Variants in NUP155 observed in about 807,000 individuals in gnomAD.
NUP155 encodes the protein nucleoporin 155, also known as nuclear pore complex protein Nup155.
NUP155 carries 71 observed loss-of-function variants against 180.4 expected under a neutral mutation model. The observed-to-expected ratio is 0.39, with a 90% CI of 0.33 to 0.48. The LOEUF is 0.48. Ranked by LOEUF, NUP155 falls within the 20% of genes least tolerant of loss-of-function variation. NUP155 has a pLI of 0.91. For synonymous variants in NUP155, 582 were observed against 559.5 expected, an observed-to-expected ratio of 1.04 and a Z score of -0.57; for missense variants, 1,553 against 1,648.9, an observed-to-expected ratio of 0.94 and a Z score of 1.01.
rs376182315 is a variant in NUP155 at position 37,328,230 on chromosome 5, C to T, written c.1876+128G>A. ...CAAATGCCAAAACTTGCTTGGACAG[C>T]GCTTCTAAAATTATATTTATTTTCA... On this transcript the variant is annotated intron_variant, in intron 17 of 34. Coordinates refer to ENST00000231498, the MANE Select transcript of NUP155 (RefSeq NM_153485.3). 2.6e-3 allele frequency: 1,973 copies of T among 759,876 alleles called. 6 individuals carry two copies. The highest frequency in any genetic ancestry group is 5.4e-3 in the South Asian group (307 of 57,338). The allele number at this position is 759,876 out of a possible 1,614,324, so 47.1% of individuals were successfully genotyped here.
intron 22 of NUP155, among the ~76,000 whole-genome samples, chr5:37,313,473 A>ATGTGTG (rs34904169): frequency 3.3e-4 from 48 of 143,528 alleles, no homozygotes; most frequent in South Asian, 2.3e-3. Context: ...AGTGGTGTAT[A>ATGTGTG]TGTGTGTGTG....
intron 20 of NUP155, among the ~76,000 whole-genome samples, chr5:37,319,147 T>C (rs1465092565): frequency 6.6e-6 from 1 of 152,114 alleles, no homozygotes; most frequent in Non-Finnish European, 1.5e-5. Flanking sequence ...AATAGGCACA[T>C]CTACAGAGAT....
intron 9 of NUP155, among the ~76,000 whole-genome samples, chr5:37,343,605 G>A (rs907047082): frequency 1.3e-5 from 2 of 152,140 alleles, no homozygotes; most frequent in Middle Eastern, 3.4e-3. Flanking sequence ...TAAAAAAGGA[G>A]AAAGGCCAGG....
rs555900039 is a variant in NUP155, at chr5:37,290,104, A to C, written c.*1796T>G. The C allele has an allele frequency of 7.2e-5, 11 of 152,336 alleles. No individual in the cohort carries two copies. The East Asian group carries it at 2.1e-3, about 29-fold the overall frequency. The allele number at this position is 152,336 out of a possible 1,614,324, so 9.4% of individuals were successfully genotyped here. A position where few individuals can be genotyped will look rare whatever the true frequency, so the allele number is the denominator to read the frequency against. On this transcript the variant is annotated 3_prime_UTR_variant, in exon 35 of 35. Transcript: ENST00000231498. Reference sequence around the variant, plus strand: ...AAGACAATAATGGAAGGAAAAATATATTCAAAATGTATTGTACAAATTGTT... The same window carrying C: ...AAGACAATAATGGAAGGAAAAATATCTTCAAAATGTATTGTACAAATTGTT...
At position 37,290,462 on chromosome 5, in the gene NUP155, G is replaced by GGTGAGATTCT. The variant is rs1229404270; in HGVS notation, c.*1428_*1437dup. 6.6e-6 allele frequency: 1 copy of GGTGAGATTCT among 150,896 alleles called. No homozygotes were observed. Among genetic ancestry groups the GGTGAGATTCT allele is most frequent in the Non-Finnish European group, 1.5e-5 (1 of 67,948 alleles). The allele number at this position is 150,896 out of a possible 1,614,324, so 9.3% of individuals were successfully genotyped here. ...CACTGCACTCCAGGCTGGGCTACAG[G>GGTGAGATTCT]GTGAGATTCTGTCTCCAAAAAAAAA... On this transcript the variant is annotated 3_prime_UTR_variant, in exon 35 of 35. Coordinates refer to ENST00000231498, the MANE Select transcript of NUP155 (RefSeq NM_153485.3).
At chr5:37,329,401 T>TCA in intron 15 of NUP155, 123 bp from the exon 16 acceptor site, 2 of 747,308 alleles carry the variant, frequency 2.7e-6, no homozygotes, top group Non-Finnish European at 4.8e-6. Flanking sequence ...GACTTCAATG[T>TCA]ATTGTGCTGA....
Position 37,297,445 on chromosome 5 carries a change from C to T in NUP155, c.3793+1423G>A, listed in dbSNP as rs118054826. On this transcript the variant is annotated intron_variant, in intron 32 of 34. Transcript: ENST00000231498. ...TGAGGTTGGAGTGCAGTGGTTCGAT[C>T]TCAGCTCACTGCAGTTTTCACCTCC... Among the ~76,000 whole-genome samples, 161 of 152,264 alleles carry T rather than the reference C, an allele frequency of 1.1e-3. 1 individual carries two copies. The East Asian group carries it at 0.028, about 26-fold the overall frequency.
At chr5:37,338,293 G>C (rs893569957) in intron 11 of NUP155, among the ~76,000 whole-genome samples, 4 of 145,830 alleles carry the variant, frequency 2.7e-5, no homozygotes. Context: ...ACTCCAGCCT[G>C]GGCGCCAGAG....
In NUP155 at chr5:37,299,543, AATGGGTCAGCAAATTCCCC is replaced by A. The variant is rs1413222757; in HGVS notation, c.3568_3586del (p.Gly1190LeufsTer10). The A allele has an allele frequency of 6.2e-7, 1 of 1,613,972 alleles. No individual in the cohort carries two copies. The highest frequency in any genetic ancestry group is 8.5e-7 in the Non-Finnish European group (1 of 1,179,966). On this transcript the variant is annotated frameshift_variant, in exon 31 of 35. Coordinates refer to ENST00000231498, the MANE Select transcript of NUP155 (RefSeq NM_153485.3). LOFTEE classifies it high-confidence loss of function. ...TGCAAGTTTGCACTCTGCAAGTTTA[AATGGGTCAGCAAATTCCCC>A]ATAAAGCTGTGAGAGAAAATCCCAA...
chr5:37,319,469 T>C (rs1436817854), intron 20 of NUP155, among the ~76,000 whole-genome samples: 2 of 152,186 alleles, frequency 1.3e-5, no homozygotes, highest in African/African-American at 4.8e-5. Flanking sequence ...AGGGGGAAAA[T>C]GATATGATCA....
At chr5:37,346,417 A>C (rs1163351967) in intron 9 of NUP155, among the ~76,000 whole-genome samples, 1 of 152,188 alleles carries the variant, frequency 6.6e-6, no homozygotes, top group Non-Finnish European at 1.5e-5. Context: ...CACGCCTGTA[A>C]TCCCAGCACT....
At chr5:37,364,146 A>T in intron 2 of NUP155, 101 bp downstream of exon 2, 1 of 1,155,522 alleles carries the variant, frequency 8.7e-7, no homozygotes, top group Non-Finnish European at 1.3e-6. Flanking sequence ...TAAAACCCTT[A>T]AATGAATATA....
Position 37,303,273 on chromosome 5 carries a change from CCAGTCTGGA to C in NUP155, c.3295_3303del (p.Ser1099_Leu1101del). ...ATTATGCCATACCTATGCATGTCAG[CCAGTCTGGA>C]CAGTACACGAGCAGCATTACTGAAA... On this transcript the variant is annotated inframe_deletion, in exon 28 of 35. Transcript: ENST00000231498. The C allele has an allele frequency of 6.2e-7, 1 of 1,614,056 alleles. No individual in the cohort carries two copies. The highest frequency in any genetic ancestry group is 8.5e-7 in the Non-Finnish European group (1 of 1,179,990).
intron 4 of NUP155, among the ~76,000 whole-genome samples, chr5:37,355,626 T>C (rs903022742): frequency 6.6e-6 from 1 of 151,814 alleles, no homozygotes; most frequent in Non-Finnish European, 1.5e-5. Flanking sequence ...TTGCCCAGGC[T>C]GGAGTGCAGT....
At chr5:37,351,049 G>T in intron 6 of NUP155, 141 bp downstream of exon 6, 1 of 708,986 alleles carries the variant, frequency 1.4e-6, no homozygotes. Context: ...TAGTCATGGG[G>T]ACTACAGCTT....
intron 18 of NUP155, chr5:37,327,250 C>A: frequency 3.7e-6 from 1 of 273,740 alleles, no homozygotes; most frequent in Non-Finnish European, 7.1e-6. Flanking sequence ...ACATACAAAA[C>A]GTGTTAATTG....
At chr5:37,363,441 C>T (rs1304801800) in intron 3 of NUP155, among the ~76,000 whole-genome samples, 15 of 152,220 alleles carry the variant, frequency 9.9e-5, no homozygotes, top group Admixed American at 9.8e-4. Context: ...GGCTTTCACT[C>T]AGAATCATTT....
At chr5:37,367,059 T>C (rs1444337596) in intron 1 of NUP155, among the ~76,000 whole-genome samples, 2 of 151,824 alleles carry the variant, frequency 1.3e-5, no homozygotes, top group Non-Finnish European at 2.9e-5. Context: ...TTTTTTTTTT[T>C]TCCTGAGACG....
Position 37,317,863 on chromosome 5 carries a change from G to C in NUP155, c.2305+125C>G, listed in dbSNP as rs1744000235. 6.7e-6 allele frequency: 5 copies of C among 741,210 alleles called. No individual in the cohort carries two copies. The Admixed American group carries it at 8.9e-5, about 13-fold the overall frequency. The allele number at this position is 741,210 out of a possible 1,614,324, so 45.9% of individuals were successfully genotyped here. A position where few individuals can be genotyped will look rare whatever the true frequency, so the allele number is the denominator to read the frequency against. On this transcript the variant is annotated intron_variant, in intron 21 of 34. Transcript: ENST00000231498. The stretch of plus-strand genomic sequence containing the variant: ...CCACCACCCCGGACCCAATTACACT[G>C]ATATTTTAATTACAAATATTTGTGT...
Sources: gnomAD v4.1 joint callset for allele counts (sites outside exome capture counted in the v4.1 genomes callset) on GRCh38, gnomAD v4.1.1 for gene constraint, MANE v1.5 for transcripts, NCBI Gene and HGNC (gene_info 2026-07-23, HGNC 2026-07-21) for gene names.